Variants in COL19A1 observed in about 807,000 individuals in gnomAD.
COL19A1 encodes collagen type XIX alpha 1 chain.
COL19A1 carries 159 observed loss-of-function variants against 190.2 expected under a neutral mutation model. That is an observed-to-expected ratio of 0.84 (90% CI 0.73 to 0.95). COL19A1 has a LOEUF of 0.95. Among genes scored for constraint, COL19A1 ranks in the 40% least tolerant of loss-of-function variants. The pLI, the probability that COL19A1 is intolerant of heterozygous loss-of-function variation, is 0.00. For synonymous variants in COL19A1, 509 were observed against 458.9 expected (o/e 1.11, Z -1.39); for missense variants, 1,418 against 1,431.9 (o/e 0.99, Z 0.16).
intron 16 of COL19A1, among the ~76,000 whole-genome samples, chr6:70,119,632 C>T (rs1359975438): frequency 6.6e-6 from 1 of 152,044 alleles, no homozygotes; most frequent in Non-Finnish European, 1.5e-5. Context: ...AAATATTAGC[C>T]CTGCCACTTA....
chr6:69,959,579 A>G (rs1392941245), intron 9 of COL19A1, among the ~76,000 whole-genome samples: 1 of 152,204 alleles, frequency 6.6e-6, no homozygotes, highest in Non-Finnish European at 1.5e-5. Flanking sequence ...AGGCAGTATT[A>G]TCTGCCTGAT....
intron 10 of COL19A1, among the ~76,000 whole-genome samples, chr6:69,961,873 G>C (rs2150046152): frequency 6.6e-6 from 1 of 152,124 alleles, no homozygotes; most frequent in South Asian, 2.1e-4. Flanking sequence ...TTTCTATATA[G>C]TTAAAAGCTG....
intron 16 of COL19A1, among the ~76,000 whole-genome samples, chr6:70,103,239 G>A (rs919597931): frequency 9.2e-5 from 14 of 151,940 alleles, no homozygotes; most frequent in Non-Finnish European, 2.1e-4. Context: ...AATCATATCA[G>A]TTCTACATCC....
At chr6:70,178,305 G>A (rs1029109405) in intron 42 of COL19A1, among the ~76,000 whole-genome samples, 1 of 152,132 alleles carries the variant, frequency 6.6e-6, no homozygotes, top group Admixed American at 6.6e-5. Context: ...GAGCATGGGA[G>A]GCAAAGGTTG....
At chr6:70,009,229 T>C (rs893926690) in intron 11 of COL19A1, among the ~76,000 whole-genome samples, 1 of 152,028 alleles carries the variant, frequency 6.6e-6, no homozygotes, top group Non-Finnish European at 1.5e-5. Flanking sequence ...TATTCTTAGA[T>C]GGTATAATCT....
chr6:70,168,642 G>A lies in COL19A1; in HGVS notation c.2542-13G>A. 6.2e-7 allele frequency: 1 copy of A among 1,611,734 alleles called. No individual in the cohort carries two copies. The highest frequency in any genetic ancestry group is 1.3e-5 in the African/African-American group (1 of 74,914). On this transcript the variant is annotated splice_polypyrimidine_tract_variant and intron_variant, in intron 39 of 50. Coordinates refer to ENST00000620364, the MANE Select transcript of COL19A1 (RefSeq NM_001858.6). ...CATTATTTGAAAAATGACTTTCCAT[G>A]TTTCTCTTACAGGGCCCAAAAGGCG...
chr6:70,137,450 T>C (rs1374561361), intron 18 of COL19A1, among the ~76,000 whole-genome samples: 1 of 152,204 alleles, frequency 6.6e-6, no homozygotes, highest in African/African-American at 2.4e-5. Context: ...ACATTACATT[T>C]AAGTATCATA....
chr6:70,191,427 G>A (rs1182215196), intron 48 of COL19A1, among the ~76,000 whole-genome samples: 1 of 152,052 alleles, frequency 6.6e-6, no homozygotes, highest in Non-Finnish European at 1.5e-5. Flanking sequence ...TGAAGAGCAG[G>A]TTGGCTGACC....
chr6:69,921,454 T>C (rs1474897655), intron 4 of COL19A1, among the ~76,000 whole-genome samples: 2 of 124,002 alleles, frequency 1.6e-5, no homozygotes, highest in Admixed American at 1.8e-4. Context: ...TCATATATCA[T>C]ATATATCATA....
intron 14 of COL19A1, among the ~76,000 whole-genome samples, chr6:70,041,909 TA>T (rs796367695): frequency 2.4e-4 from 35 of 146,572 alleles, no homozygotes; most frequent in Non-Finnish European, 3.5e-4. Flanking sequence ...AAAATAAAAG[TA>T]AAAAAAAAAT....
chr6:69,992,330 T>C (rs1477986589), intron 11 of COL19A1, among the ~76,000 whole-genome samples: 2 of 152,154 alleles, frequency 1.3e-5, no homozygotes, highest in African/African-American at 4.8e-5. Context: ...TGCCTCCAAC[T>C]TTGTTCTTTT....
intron 23 of COL19A1, 51 bp from the exon 24 acceptor site, chr6:70,144,159 A>G: frequency 6.9e-7 from 1 of 1,445,740 alleles, no homozygotes; most frequent in Non-Finnish European, 9.7e-7. Flanking sequence ...GGGAAATGTT[A>G]TTGTAAGAGA....
At chr6:69,885,893 T>C (rs1768893588) in intron 2 of COL19A1, among the ~76,000 whole-genome samples, 1 of 152,224 alleles carries the variant, frequency 6.6e-6, no homozygotes, top group Non-Finnish European at 1.5e-5. Flanking sequence ...GAAGCGATCA[T>C]GGGGGAATAG....
At chr6:70,079,455 G>T (rs1459348887) in intron 15 of COL19A1, among the ~76,000 whole-genome samples, 1 of 152,092 alleles carries the variant, frequency 6.6e-6, no homozygotes, top group Non-Finnish European at 1.5e-5. Flanking sequence ...AGTGTGCAAG[G>T]GAGAAACTAG....
At chr6:69,896,526 A>G (rs925982435) in intron 2 of COL19A1, among the ~76,000 whole-genome samples, 11 of 133,752 alleles carry the variant, frequency 8.2e-5, no homozygotes, top group Admixed American at 3.9e-4. Context: ...CCTGGGCGAC[A>G]GAGCGAGACT....
At chr6:69,874,952 A>G (rs1356422221) in intron 1 of COL19A1, among the ~76,000 whole-genome samples, 1 of 138,310 alleles carries the variant, frequency 7.2e-6, no homozygotes, top group Non-Finnish European at 1.6e-5. Flanking sequence ...TTCAACAAAT[A>G]TTTATTGAGT....
At chr6:70,023,770 A>C in intron 12 of COL19A1, 90 bp downstream of exon 12, 2 of 1,165,566 alleles carry the variant, frequency 1.7e-6, no homozygotes, top group Admixed American at 4.8e-5. Flanking sequence ...TATTTTTGGC[A>C]GAGCCAGCCA....
chr6:70,149,664 C>T (rs771948675), intron 27 of COL19A1, 40 bp from the exon 28 acceptor site: 1 of 1,608,138 alleles, frequency 6.2e-7, no homozygotes, highest in Non-Finnish European at 8.5e-7. Context: ...TATGGACATT[C>T]TTGGTGGAAT....
chr6:70,098,729 G>A (rs1783438051), intron 15 of COL19A1: 2 of 219,962 alleles, frequency 9.1e-6, no homozygotes, highest in Non-Finnish European at 1.8e-5. Context: ...CTCTTAGGTA[G>A]GCTTTTGCCT....
Sources: gnomAD v4.1 joint callset for allele counts (sites outside exome capture counted in the v4.1 genomes callset) on GRCh38, gnomAD v4.1.1 for gene constraint, MANE v1.5 for transcripts, NCBI Gene and HGNC (gene_info 2026-07-23, HGNC 2026-07-21) for gene names.